The following HDAC1 variants were observed in gnomAD, a reference collection of about 807,000 sequenced individuals.
HDAC1 encodes histone deacetylase 1, also known as protein deacetylase HDAC1.
A neutral mutation model predicts 65.5 loss-of-function variants in HDAC1; 18 were observed. The observed-to-expected ratio is 0.27, with a 90% CI of 0.19 to 0.41. The LOEUF is 0.41. Ranked by LOEUF, HDAC1 falls within the 10% of genes least tolerant of loss-of-function variation. The pLI, the probability that HDAC1 is intolerant of heterozygous loss-of-function variation, is 1.00. For synonymous variants in HDAC1, 211 were observed against 227.9 expected, an observed-to-expected ratio of 0.93 and a Z score of 0.67; for missense variants, 373 against 625.2, an observed-to-expected ratio of 0.60 and a Z score of 4.30.
chr1:32,329,039 A>G lies in HDAC1; in HGVS notation c.637-29A>G, dbSNP rs1484142638. The stretch of plus-strand genomic sequence containing the variant: ...GACCTTCCTTCAAGCTTCATCCTTC[A>G]GTTTTACTTTAATGGCCTTTTTAAT... On this transcript the variant is annotated intron_variant, in intron 6 of 13. Transcript: ENST00000373548. This position sits in a 1 kb window ranked among gnomAD's most constrained non-coding sequence, Gnocchi z 4.1. The G allele has an allele frequency of 1.5e-6, 2 of 1,323,842 alleles. No homozygotes were observed. Among genetic ancestry groups the G allele is most frequent in the African/African-American group, 1.4e-5 (1 of 69,254 alleles). 82.0% of individuals were successfully genotyped at this position (1,323,842 alleles called of 1,614,324 possible).
Position 32,331,597 on chromosome 1 carries a change from C to T in HDAC1, c.1088+15C>T, listed in dbSNP as rs2148073071. 3 of 1,609,766 alleles carry T rather than the reference C, an allele frequency of 1.9e-6. No individual in the cohort carries two copies. The highest frequency in any genetic ancestry group is 2.6e-6 in the Non-Finnish European group (3 of 1,176,046). The stretch of plus-strand genomic sequence containing the variant: ...GAGAAGATCAAGTGAGTATATCCTC[C>T]AGCCACCCCTTGGTTGAACATTCCT... On this transcript the variant is annotated intron_variant, in intron 10 of 13. Coordinates refer to ENST00000373548, the MANE Select transcript of HDAC1 (RefSeq NM_004964.3). This position sits in a 1 kb window ranked among gnomAD's most constrained non-coding sequence, Gnocchi z 4.2.
intron 6 of HDAC1, among the ~76,000 whole-genome samples, chr1:32,328,177 C>T (rs565929668): frequency 2.0e-5 from 3 of 152,338 alleles, no homozygotes; most frequent in South Asian, 4.1e-4. Flanking sequence ...GAAGCTACTT[C>T]GTTGAACTGT....
intron 3 of HDAC1, among the ~76,000 whole-genome samples, chr1:32,318,461 G>T (rs915028644): frequency 6.6e-6 from 1 of 152,008 alleles, no homozygotes; most frequent in Non-Finnish European, 1.5e-5. Flanking sequence ...TACTCAGGAG[G>T]TTGAGGAGGG....
intron 1 of HDAC1, chr1:32,292,546 T>A (rs1184176499): frequency 3.6e-6 from 2 of 548,106 alleles, no homozygotes; most frequent in Non-Finnish European, 4.6e-6. Flanking sequence ...TGGAGACGGC[T>A]GCAAGGATAC....
intron 1 of HDAC1, among the ~76,000 whole-genome samples, chr1:32,298,930 A>G (rs1640808717): frequency 6.6e-6 from 1 of 152,118 alleles, no homozygotes; most frequent in African/African-American, 2.4e-5. Flanking sequence ...CCTGGGAGGC[A>G]GAGGTTGCAG....
chr1:32,328,294 C>A (rs1472169456), intron 6 of HDAC1, among the ~76,000 whole-genome samples: 1 of 151,454 alleles, frequency 6.6e-6, no homozygotes, highest in Non-Finnish European at 1.5e-5. Flanking sequence ...CCATGGCAAG[C>A]GTTAGAATAA....
Position 32,327,252 on chromosome 1 carries a change from C to T in HDAC1, c.494+175C>T. ...GATGGGGTCTTGGTTTGATCTGAGC[C>T]ACGGCATGATCAGGGGCAGATGCTG... On this transcript the variant is annotated intron_variant, in intron 5 of 13. Coordinates refer to ENST00000373548, the MANE Select transcript of HDAC1 (RefSeq NM_004964.3). This position sits in a 1 kb window ranked among gnomAD's most constrained non-coding sequence, Gnocchi z 6.0. 1 of 654,718 alleles carries T rather than the reference C, an allele frequency of 1.5e-6. No homozygotes were observed. The highest frequency in any genetic ancestry group is 2.6e-6 in the Non-Finnish European group (1 of 380,314). The allele number at this position is 654,718 out of a possible 1,614,324, so 40.6% of individuals were successfully genotyped here.
Position 32,331,397 on chromosome 1 carries a change from C to A in HDAC1, c.980-77C>A. The A allele has an allele frequency of 1.2e-6, 1 of 827,220 alleles. No homozygotes were observed. Among genetic ancestry groups the A allele is most frequent in the Non-Finnish European group, 2.1e-6 (1 of 475,972 alleles). 51.2% of individuals were successfully genotyped at this position (827,220 alleles called of 1,614,324 possible). On this transcript the variant is annotated intron_variant, in intron 9 of 13. Transcript: ENST00000373548. This position sits in a 1 kb window ranked among gnomAD's most constrained non-coding sequence, Gnocchi z 4.2. ...ATAGGCCCAGAGAAACCTACAAATGCTTTAGGGTGCTTACGTGCAAATGGT... is the reference window on the plus strand; with the variant it reads ...ATAGGCCCAGAGAAACCTACAAATGATTTAGGGTGCTTACGTGCAAATGGT...
At chr1:32,292,335 C>G in intron 1 of HDAC1, 117 bp downstream of exon 1, 1 of 1,514,370 alleles carries the variant, frequency 6.6e-7, no homozygotes, top group Admixed American at 2.1e-5. Context: ...GGGAGAGGCT[C>G]GGAGAGGAGG....
At chr1:32,311,663 T>C (rs958177535) in intron 2 of HDAC1, among the ~76,000 whole-genome samples, 3 of 152,168 alleles carry the variant, frequency 2.0e-5, no homozygotes, top group African/African-American at 7.2e-5. Context: ...AAAATGACAC[T>C]TAGGTTTTCA....
chr1:32,297,702 C>T (rs927494033), intron 1 of HDAC1, among the ~76,000 whole-genome samples: 1 of 151,788 alleles, frequency 6.6e-6, no homozygotes, highest in African/African-American at 2.4e-5. Context: ...GCTCTGCCTC[C>T]AGGGTTCATG....
rs561584490 is a variant in HDAC1 at position 32,304,625 on chromosome 1, A to G, written c.162+1892A>G. 3.0e-4 allele frequency among the ~76,000 whole-genome samples: 45 copies of G among 151,842 alleles called. No individual in the cohort carries two copies. The South Asian group carries it at 9.2e-3, about 31-fold the overall frequency. Reference sequence around the variant, plus strand: ...CACTCTGTCACCCAGACTAGAGTGCAGTGGTGCAATCTTGGCTCACTGCAA... The same window carrying G: ...CACTCTGTCACCCAGACTAGAGTGCGGTGGTGCAATCTTGGCTCACTGCAA... On this transcript the variant is annotated intron_variant, in intron 2 of 13. Transcript: ENST00000373548.
At chr1:32,317,281 C>G (rs752242746) in intron 3 of HDAC1, among the ~76,000 whole-genome samples, 2 of 152,252 alleles carry the variant, frequency 1.3e-5, no homozygotes, top group South Asian at 2.1e-4. Flanking sequence ...TGCCCCTGAT[C>G]CCTTGGACTT....
chr1:32,321,559 C>A (rs1641147193), intron 3 of HDAC1, among the ~76,000 whole-genome samples: 1 of 152,034 alleles, frequency 6.6e-6, no homozygotes, highest in African/African-American at 2.4e-5. Context: ...GCGTTTATAG[C>A]AGAAAGAGAG....
rs1212764570 is a variant in HDAC1 at position 32,333,307 on chromosome 1, C to CA, written c.*265dup. 2 of 323,826 alleles carry CA rather than the reference C, an allele frequency of 6.2e-6. No homozygotes were observed. Among genetic ancestry groups the CA allele is most frequent in the Non-Finnish European group, 1.1e-5 (2 of 177,952 alleles). The allele number at this position is 323,826 out of a possible 1,614,324, so 20.1% of individuals were successfully genotyped here. A position where few individuals can be genotyped will look rare whatever the true frequency, so the allele number is the denominator to read the frequency against. Reference sequence around the variant, plus strand: ...TCTGGGTGAAAGGGATACTTTTATGCAACCATAAGACAAACTCCTGAAATG... The same window carrying CA: ...TCTGGGTGAAAGGGATACTTTTATGCAAACCATAAGACAAACTCCTGAAATG... On this transcript the variant is annotated 3_prime_UTR_variant, in exon 14 of 14. Coordinates refer to ENST00000373548, the MANE Select transcript of HDAC1 (RefSeq NM_004964.3).
chr1:32,325,255 C>G (rs1309217109), intron 4 of HDAC1, among the ~76,000 whole-genome samples: 3 of 152,222 alleles, frequency 2.0e-5, no homozygotes, highest in African/African-American at 7.2e-5. Flanking sequence ...ATGTATCTCC[C>G]ACTTCCATTT....
chr1:32,302,582 C>G, intron 1 of HDAC1, 39 bp from the exon 2 acceptor site: 1 of 994,588 alleles, frequency 1.0e-6, no homozygotes, highest in South Asian at 1.3e-5. Context: ...TAGTGTATGC[C>G]TAACTGTGTT....
chr1:32,332,787 T>C, intron 13 of HDAC1, 38 bp downstream of exon 13: 1 of 1,517,342 alleles, frequency 6.6e-7, no homozygotes, highest in Non-Finnish European at 9.0e-7. Context: ...TCCCTGGCAT[T>C]GGAGCACCAG....
Position 32,327,516 on chromosome 1 carries a change from T to G in HDAC1, c.495-20T>G. 5 of 1,457,862 alleles carry G rather than the reference T, an allele frequency of 3.4e-6. No homozygotes were observed. The highest frequency in any genetic ancestry group is 1.4e-5 in the African/African-American group (1 of 70,812). 90.3% of individuals were successfully genotyped at this position (1,457,862 alleles called of 1,614,324 possible). ...CATCCCCAAAGAGCCCCCAGACCCC[T>G]GACCCCCTTCTGATCCTAGGTATCA... is the stretch of plus-strand genomic sequence containing the variant. On this transcript the variant is annotated intron_variant, in intron 5 of 13. Coordinates refer to ENST00000373548, the MANE Select transcript of HDAC1 (RefSeq NM_004964.3). This position sits in a 1 kb window ranked among gnomAD's most constrained non-coding sequence, Gnocchi z 6.0.
Sources: gnomAD v4.1 joint callset for allele counts (sites outside exome capture counted in the v4.1 genomes callset) on GRCh38, gnomAD v4.1.1 for gene constraint, Gnocchi (gnomAD v3.1) non-coding constraint, MANE v1.5 for transcripts, NCBI Gene and HGNC (gene_info 2026-07-23, HGNC 2026-07-21) for gene names.